FLRT1: variants seen among roughly 807,000 people sequenced by gnomAD.
FLRT1 encodes the protein fibronectin leucine rich transmembrane protein 1.
A neutral mutation model predicts 30.9 loss-of-function variants in FLRT1; 14 were observed. The observed-to-expected ratio is 0.45, with a 90% CI of 0.30 to 0.71. The LOEUF (loss-of-function observed/expected upper bound fraction) is 0.71, where lower values mean the gene tolerates loss of function less well. Ranked by LOEUF, FLRT1 falls within the 30% of genes least tolerant of loss-of-function variation. The pLI is 0.08. For missense variants in FLRT1, 737 were observed against 949.2 expected (o/e 0.78, Z 2.94); for synonymous variants, 368 against 430.4 (o/e 0.85, Z 1.80).
At chr11:64,101,543 G>A (rs529213706) in intron 1 of FLRT1, among the ~76,000 whole-genome samples, 316 of 152,166 alleles carry the variant, frequency 2.1e-3, no homozygotes, top group Non-Finnish European at 3.2e-3. Flanking sequence ...CACCCCCATC[G>A]GTATAAAACA....
chr11:64,068,306 C>T (rs559085535), intron 1 of FLRT1, among the ~76,000 whole-genome samples: 1 of 152,244 alleles, frequency 6.6e-6, no homozygotes, highest in East Asian at 1.9e-4. Context: ...CCAGCACCCG[C>T]CTGTCCCACT....
At chr11:64,107,938 T>A (rs1468338026) in intron 2 of FLRT1, among the ~76,000 whole-genome samples, 1 of 152,194 alleles carries the variant, frequency 6.6e-6, no homozygotes, top group African/African-American at 2.4e-5. Context: ...TTGCTAGTAA[T>A]GGTAATAGTT....
intron 2 of FLRT1, among the ~76,000 whole-genome samples, chr11:64,114,658 G>A (rs1189426016): frequency 2.6e-5 from 4 of 151,572 alleles, no homozygotes; most frequent in African/African-American, 9.7e-5. Flanking sequence ...TGGATGAATG[G>A]ACAGGTGGAT....
At chr11:64,088,099 T>G (rs1944426241) in intron 1 of FLRT1, among the ~76,000 whole-genome samples, 1 of 152,132 alleles carries the variant, frequency 6.6e-6, no homozygotes, top group Admixed American at 6.5e-5. Flanking sequence ...GGCCCCTCTA[T>G]CTCCACCCCA....
Position 64,096,223 on chromosome 11 carries a change from G to A in FLRT1, c.-1037-6971G>A, listed in dbSNP as rs1402719706. ...GAGCACTGTGACGGGCAGGCAGGGGGTCGAACAGCCACTGTTCTGCCGACA... is the reference window on the plus strand; with the variant it reads ...GAGCACTGTGACGGGCAGGCAGGGGATCGAACAGCCACTGTTCTGCCGACA... On this transcript the variant is annotated intron_variant, in intron 1 of 2. Coordinates refer to ENST00000682287, the MANE Select transcript of FLRT1 (RefSeq NM_013280.5). The surrounding 1 kb of genome is among the most constrained non-coding windows in gnomAD (Gnocchi z 4.6). 6.6e-6 allele frequency among the ~76,000 whole-genome samples: 1 copy of A among 152,246 alleles called. No individual in the cohort carries two copies. Among genetic ancestry groups the A allele is most frequent in the Non-Finnish European group, 1.5e-5 (1 of 68,044 alleles).
At chr11:64,091,632 C>T (rs917614263) in intron 1 of FLRT1, among the ~76,000 whole-genome samples, 1 of 152,160 alleles carries the variant, frequency 6.6e-6, no homozygotes, top group South Asian at 2.1e-4. Flanking sequence ...ACCATCCCCC[C>T]ATCCGACAGA....
chr11:64,100,016 G>A lies in FLRT1; in HGVS notation c.-1037-3178G>A, dbSNP rs1944644082. ...GTTTCTCTTGCGCTGTCTTGGAGTA[G>A]TGCAGCAAGAAGGAAACTGGCCTGG... is the stretch of plus-strand genomic sequence containing the variant. On this transcript the variant is annotated intron_variant, in intron 1 of 2. Coordinates refer to ENST00000682287, the MANE Select transcript of FLRT1 (RefSeq NM_013280.5). 1.3e-5 allele frequency among the ~76,000 whole-genome samples: 2 copies of A among 152,172 alleles called. 1 individual carries two copies. Among genetic ancestry groups the A allele is most frequent in the Non-Finnish European group, 2.9e-5 (2 of 68,034 alleles).
At chr11:64,062,751 G>A (rs1943928506) in intron 1 of FLRT1, among the ~76,000 whole-genome samples, 2 of 152,148 alleles carry the variant, frequency 1.3e-5, no homozygotes, top group Admixed American at 1.3e-4. Context: ...GGCCCCAGAT[G>A]CCCACCCCAA....
intron 1 of FLRT1, among the ~76,000 whole-genome samples, chr11:64,073,377 TG>T (rs966453371): frequency 4.6e-5 from 7 of 152,148 alleles, no homozygotes; most frequent in African/African-American, 1.7e-4. Flanking sequence ...AGACCAGACT[TG>T]GGGGTCCCAG....
At chr11:64,094,192 G>A (rs1276206710) in intron 1 of FLRT1, among the ~76,000 whole-genome samples, 1 of 152,182 alleles carries the variant, frequency 6.6e-6, no homozygotes, top group African/African-American at 2.4e-5. Flanking sequence ...CAGAACTTTG[G>A]GAGGCCAAAG....
chr11:64,095,851 G>T (rs978849974), intron 1 of FLRT1, among the ~76,000 whole-genome samples: 3 of 152,336 alleles, frequency 2.0e-5, no homozygotes, highest in Middle Eastern at 3.4e-3. Flanking sequence ...ATGGAGGAGC[G>T]CGAGGCTGAG....
chr11:64,044,172 G>C (rs1028918743), intron 1 of FLRT1, among the ~76,000 whole-genome samples: 4 of 151,846 alleles, frequency 2.6e-5, no homozygotes, highest in Non-Finnish European at 5.9e-5. Flanking sequence ...CAACACATGA[G>C]AGTAATCAAC....
intron 1 of FLRT1, among the ~76,000 whole-genome samples, chr11:64,065,632 T>C (rs547123027): frequency 4.0e-5 from 6 of 149,520 alleles, no homozygotes; most frequent in Admixed American, 2.0e-4. Context: ...TACTAAAAAA[T>C]ACAAAAAATT....
rs148356716 is a variant in FLRT1, at chr11:64,100,470, C to T, written c.-1037-2724C>T. 5.5e-3 allele frequency among the ~76,000 whole-genome samples: 844 copies of T among 152,264 alleles called. 7 individuals are homozygous for T. The highest frequency in any genetic ancestry group is 8.4e-3 in the Non-Finnish European group (571 of 68,016). On this transcript the variant is annotated intron_variant, in intron 1 of 2. Transcript: ENST00000682287. Reference sequence around the variant, plus strand: ...AGACCAGACCTGGAGCCTGTGGGAACGGGGGAGGCCAAGGCGAGGAGTGTA... The same window carrying T: ...AGACCAGACCTGGAGCCTGTGGGAATGGGGGAGGCCAAGGCGAGGAGTGTA...
rs148353008 is a variant in FLRT1 at position 64,067,608 on chromosome 11, C to T, written c.-1038+31449C>T. ...CTCCCTCCTGTCCCTAGGTGGGTGA[C>T]GCACCAACATGCCCGTGGCCTCCGG... On this transcript the variant is annotated intron_variant, in intron 1 of 2. Transcript: ENST00000682287. This position sits in a 1 kb window ranked among gnomAD's most constrained non-coding sequence, Gnocchi z 4.6. Among the ~76,000 whole-genome samples, 19 of 152,214 alleles carry T rather than the reference C, an allele frequency of 1.2e-4. No individual in the cohort carries two copies. The highest frequency in any genetic ancestry group is 3.4e-3 in the Middle Eastern group (1 of 294).
chr11:64,079,240 A>T (rs182765417), intron 1 of FLRT1, among the ~76,000 whole-genome samples: 3 of 151,892 alleles, frequency 2.0e-5, no homozygotes, highest in Admixed American at 6.5e-5. Context: ...CTGCTCTGGC[A>T]TGTGGCTTGA....
At chr11:64,043,331 C>A (rs910064084) in intron 1 of FLRT1, among the ~76,000 whole-genome samples, 3 of 152,202 alleles carry the variant, frequency 2.0e-5, no homozygotes, top group African/African-American at 7.2e-5. Context: ...TAGCTTTCCG[C>A]CCTCAGGACC....
intron 2 of FLRT1, among the ~76,000 whole-genome samples, chr11:64,107,487 C>T (rs1006744595): frequency 2.6e-5 from 4 of 152,230 alleles, no homozygotes; most frequent in Non-Finnish European, 4.4e-5. Flanking sequence ...CTGGCACCAG[C>T]GCCACCCAGC....
In FLRT1 at chr11:64,117,296, G is replaced by A. The variant is rs751115779; in HGVS notation, c.1029G>A (p.Val343=). The change falls in exon 3 of 3, where the codon GTG becomes GTA. Residue 343 remains valine (V), a synonymous_variant. Transcript: ENST00000682287. ...GCNLMWLRDW[V]KARAAVVNVR... ...ACCTCATGTGGCTGCGGGACTGGGT[G>A]AAGGCACGGGCGGCCGTGGTCAACG... The A allele has an allele frequency of 2.4e-4, 380 of 1,614,170 alleles. 1 individual carries two copies. The South Asian group carries it at 4.0e-3, about 17-fold the overall frequency.
Sources: gnomAD v4.1 joint callset for allele counts (sites outside exome capture counted in the v4.1 genomes callset) on GRCh38, gnomAD v4.1.1 for gene constraint, Gnocchi (gnomAD v3.1) non-coding constraint, MANE v1.5 for transcripts, NCBI Gene and HGNC (gene_info 2026-07-23, HGNC 2026-07-21) for gene names.